The following SUGCT variants were observed in gnomAD, a reference collection of about 807,000 sequenced individuals.
The protein encoded by SUGCT is succinyl-CoA:glutarate-CoA transferase, also known as succinyl-CoA:glutarate CoA-transferase.
SUGCT carries 41 observed loss-of-function variants against 55.0 expected under a neutral mutation model. The observed-to-expected ratio is 0.74, with a 90% CI of 0.58 to 0.97. The LOEUF (loss-of-function observed/expected upper bound fraction) is 0.97, where lower values mean the gene tolerates loss of function less well. Ranked by LOEUF, SUGCT falls within the 50% of genes least tolerant of loss-of-function variation. SUGCT has a pLI of 0.00. For synonymous variants in SUGCT, 187 were observed against 200.4 expected (o/e 0.93, Z 0.56); for missense variants, 568 against 547.8 (o/e 1.04, Z -0.37).
intron 13 of SUGCT, among the ~76,000 whole-genome samples, chr7:40,772,564 GGTGTTA>G (rs1272938653): frequency 8.0e-6 from 1 of 124,346 alleles, no homozygotes; most frequent in Non-Finnish European, 1.7e-5. Flanking sequence ...CTATCTATCT[GGTGTTA>G]TCTATCTGCT....
chr7:41,001,538 A>G, the SUGCT span, among the ~76,000 whole-genome samples: 1 of 152,156 alleles, frequency 6.6e-6, no homozygotes, highest in Non-Finnish European at 1.5e-5. Flanking sequence ...GTGGCTTATA[A>G]ACAGTAGAAA....
At chr7:40,790,214 T>G (rs569373758) in intron 13 of SUGCT, among the ~76,000 whole-genome samples, 1 of 152,320 alleles carries the variant, frequency 6.6e-6, no homozygotes, top group African/African-American at 2.4e-5. Flanking sequence ...CCCCAGCTAC[T>G]GTTCTCATGC....
chr7:40,200,637 A>G (rs531756081), intron 6 of SUGCT, among the ~76,000 whole-genome samples: 1 of 152,258 alleles, frequency 6.6e-6, no homozygotes, highest in South Asian at 2.1e-4. Flanking sequence ...TTGAAAAGAT[A>G]CTGCAGAGGT....
chr7:40,230,483 A>C (rs942237420), intron 6 of SUGCT, among the ~76,000 whole-genome samples: 2 of 152,244 alleles, frequency 1.3e-5, no homozygotes, highest in African/African-American at 2.4e-5. Flanking sequence ...TTGTAGCCAC[A>C]TGAAGAATAA....
At chr7:40,754,834 A>G (rs1330365986) in intron 13 of SUGCT, among the ~76,000 whole-genome samples, 1 of 152,164 alleles carries the variant, frequency 6.6e-6, no homozygotes. Context: ...GACCTATTTA[A>G]ATTTGTGTAC....
chr7:40,747,426 A>G (rs772557560), intron 12 of SUGCT, among the ~76,000 whole-genome samples: 1 of 152,230 alleles, frequency 6.6e-6, no homozygotes, highest in African/African-American at 2.4e-5. Context: ...CGAGTTTAAC[A>G]AAGTGAGAAA....
chr7:40,303,043 C>G (rs962550731), intron 8 of SUGCT, among the ~76,000 whole-genome samples: 7 of 151,520 alleles, frequency 4.6e-5, no homozygotes, highest in African/African-American at 1.7e-4. Context: ...TTTTCTTTTT[C>G]TTTTTTTTGA....
chr7:40,289,127 A>G (rs1793551044), intron 8 of SUGCT, among the ~76,000 whole-genome samples: 1 of 152,212 alleles, frequency 6.6e-6, no homozygotes, highest in Non-Finnish European at 1.5e-5. Context: ...ATGCCACCTT[A>G]CATGGTAAAG....
chr7:40,794,961 T>C (rs1790481518), intron 13 of SUGCT, among the ~76,000 whole-genome samples: 1 of 152,166 alleles, frequency 6.6e-6, no homozygotes. Flanking sequence ...TTAATAAACA[T>C]CTTTTTCAAT....
At chr7:40,429,603 T>C (rs961736113) in intron 9 of SUGCT, among the ~76,000 whole-genome samples, 8 of 152,178 alleles carry the variant, frequency 5.3e-5, no homozygotes, top group African/African-American at 1.9e-4. Context: ...GGGAGAAAGA[T>C]GGAGGCCAGG....
At chr7:40,962,072 G>A in the SUGCT span, among the ~76,000 whole-genome samples, 1 of 152,142 alleles carries the variant, frequency 6.6e-6, no homozygotes, top group Non-Finnish European at 1.5e-5. Flanking sequence ...ACATCCTGCT[G>A]ATTGGTCCAT....
chr7:40,966,650 C>T, the SUGCT span: 4 of 152,232 alleles, frequency 2.6e-5, no homozygotes, highest in Admixed American at 1.3e-4. Flanking sequence ...CATCACACCA[C>T]TGGTCTTCCG....
rs966685563 is a variant in SUGCT at position 40,627,282 on chromosome 7, GCAGCCATT to G, written c.1090-122149_1090-122142del. The stretch of plus-strand genomic sequence containing the variant: ...CCCCACAGTGTGGGAGTGGTCCTGA[GCAGCCATT>G]CAAGGGCTGTGGATACAGAATCTTC... On this transcript the variant is annotated intron_variant, in intron 12 of 13. Coordinates refer to ENST00000335693, the MANE Select transcript of SUGCT (RefSeq NM_001193313.2). 4.5e-4 allele frequency among the ~76,000 whole-genome samples: 68 copies of G among 152,342 alleles called. 1 individual carries two copies. The highest frequency in any genetic ancestry group is 1.7e-3 in the Admixed American group (26 of 15,308).
At chr7:40,709,090 A>G (rs1785571603) in intron 12 of SUGCT, among the ~76,000 whole-genome samples, 1 of 152,234 alleles carries the variant, frequency 6.6e-6, no homozygotes, top group Admixed American at 6.5e-5. Flanking sequence ...ATTCACTGTC[A>G]GGAATTATGA....
At chr7:40,211,321 C>A (rs769673836) in intron 6 of SUGCT, among the ~76,000 whole-genome samples, 1 of 152,164 alleles carries the variant, frequency 6.6e-6, no homozygotes, top group Non-Finnish European at 1.5e-5. Flanking sequence ...TCAAATGATT[C>A]TCCTGCCTCA....
intron 13 of SUGCT, among the ~76,000 whole-genome samples, chr7:40,752,468 G>T (rs1788065114): frequency 1.3e-5 from 2 of 152,176 alleles, no homozygotes; most frequent in Non-Finnish European, 2.9e-5. Flanking sequence ...CAATTCCCCT[G>T]CCTCAGCCTC....
the SUGCT span, among the ~76,000 whole-genome samples, chr7:40,884,356 A>G: frequency 6.6e-6 from 1 of 152,168 alleles, no homozygotes; most frequent in Admixed American, 6.5e-5. Context: ...AGACTCAAAT[A>G]TGTTTCCTTT....
chr7:40,450,318 A>AT (rs1051207227), intron 10 of SUGCT, among the ~76,000 whole-genome samples: 1 of 149,118 alleles, frequency 6.7e-6, no homozygotes, highest in African/African-American at 2.5e-5. Context: ...GTATCTGTTC[A>AT]TTTTTTCTGG....
chr7:40,688,655 A>G (rs1784563676), intron 12 of SUGCT, among the ~76,000 whole-genome samples: 1 of 152,130 alleles, frequency 6.6e-6, no homozygotes, highest in African/African-American at 2.4e-5. Flanking sequence ...AATACACTCA[A>G]GTCTTAACAC....
Sources: gnomAD v4.1 joint callset for allele counts (sites outside exome capture counted in the v4.1 genomes callset) on GRCh38, gnomAD v4.1.1 for gene constraint, MANE v1.5 for transcripts, NCBI Gene and HGNC (gene_info 2026-07-23, HGNC 2026-07-21) for gene names.